The following DOCK4 variants were observed in gnomAD, a reference collection of about 807,000 sequenced individuals.
DOCK4 encodes the protein dedicator of cytokinesis 4, also known as dedicator of cytokinesis protein 4.
Under a neutral mutation model 268.1 loss-of-function variants are expected in DOCK4, and 97 were observed. The ratio of observed to expected loss-of-function variants is 0.36; its 90% CI spans 0.31 to 0.43. DOCK4 has a LOEUF of 0.43. Among genes scored for constraint, DOCK4 ranks in the 20% least tolerant of loss-of-function variants. The probability of loss-of-function intolerance (pLI) is 1.00; values close to 1 mark genes in which losing one functional copy is unlikely to be tolerated. For missense variants in DOCK4, 2,145 were observed against 2,455.7 expected (o/e 0.87, Z 2.67); for synonymous variants, 954 against 887.2 (o/e 1.08, Z -1.34).
At chr7:111,799,911 T>C (rs1028213606) in intron 30 of DOCK4, among the ~76,000 whole-genome samples, 24 of 152,296 alleles carry the variant, frequency 1.6e-4, no homozygotes, top group African/African-American at 5.8e-4. Context: ...CCACTACTAA[T>C]TGCAATAAAA....
intron 40 of DOCK4, 35 bp downstream of exon 40, chr7:111,760,146 A>G (rs1382848747): frequency 3.1e-6 from 5 of 1,607,638 alleles, no homozygotes; most frequent in Admixed American, 3.3e-5. Flanking sequence ...AGCCAGTGCA[A>G]TCTCACTGAG....
At chr7:111,856,199 A>G (rs1804997717) in intron 23 of DOCK4, among the ~76,000 whole-genome samples, 1 of 152,216 alleles carries the variant, frequency 6.6e-6, no homozygotes. Flanking sequence ...CCCTTTCCCC[A>G]GTAATGTGCT....
chr7:111,866,131 T>A (rs1323647274), intron 22 of DOCK4, among the ~76,000 whole-genome samples: 1 of 152,328 alleles, frequency 6.6e-6, no homozygotes, highest in African/African-American at 2.4e-5. Flanking sequence ...GGTCATTTGT[T>A]ACACAGCAAT....
intron 1 of DOCK4, among the ~76,000 whole-genome samples, chr7:112,117,806 A>G (rs925958579): frequency 6.6e-6 from 1 of 152,226 alleles, no homozygotes; most frequent in Non-Finnish European, 1.5e-5. Context: ...GTGTTATGGC[A>G]GAACTGACTT....
Position 112,012,461 on chromosome 7 carries a change from T to G in DOCK4, c.38-8330A>C, listed in dbSNP as rs531073049. Among the ~76,000 whole-genome samples, 10 of 152,296 alleles carry G rather than the reference T, an allele frequency of 6.6e-5. No homozygotes were observed. The South Asian group carries it at 2.1e-3, about 32-fold the overall frequency. On this transcript the variant is annotated intron_variant, in intron 1 of 52. Coordinates refer to ENST00000428084, the MANE Select transcript of DOCK4 (RefSeq NM_001363540.2). ...GGGAGGCAGATGCAACTTTTACCAT[T>G]CATTCTGCACAACAGTATTATTTGT...
intron 8 of DOCK4, among the ~76,000 whole-genome samples, chr7:111,975,440 C>A (rs550136006): frequency 4.6e-5 from 7 of 152,126 alleles, no homozygotes; most frequent in African/African-American, 1.7e-4. Flanking sequence ...AGACACACTC[C>A]GACATATAAA....
chr7:112,118,601 C>T (rs1032827796), intron 1 of DOCK4, among the ~76,000 whole-genome samples: 3 of 152,116 alleles, frequency 2.0e-5, no homozygotes, highest in Non-Finnish European at 2.9e-5. Context: ...GCCACTGGGA[C>T]TTCTCTCCAT....
intron 42 of DOCK4, among the ~76,000 whole-genome samples, chr7:111,750,881 C>T (rs1796591997): frequency 6.6e-6 from 1 of 152,168 alleles, no homozygotes; most frequent in Non-Finnish European, 1.5e-5. Context: ...CCATGAGTTA[C>T]TAATGATCCA....
chr7:111,847,473 TG>T (rs1804202808), intron 23 of DOCK4, among the ~76,000 whole-genome samples: 1 of 149,998 alleles, frequency 6.7e-6, no homozygotes, highest in African/African-American at 2.5e-5. Context: ...AGGACTTGGT[TG>T]TTTTTTTTTT....
chr7:111,832,651 C>T (rs141319063), intron 26 of DOCK4, among the ~76,000 whole-genome samples: 2,148 of 152,234 alleles, frequency 0.014, 53 homozygotes, highest in African/African-American at 0.049. Flanking sequence ...CCTCAGCCTC[C>T]CAAATAGCTG....
At chr7:112,174,379 G>A (rs17159328) in intron 1 of DOCK4, among the ~76,000 whole-genome samples, 15,281 of 151,990 alleles carry the variant, frequency 0.1, 948 homozygotes, top group South Asian at 0.14. Context: ...CTTAATTCAA[G>A]GGTAAGCTGC....
At chr7:111,915,227 C>A (rs1269755519) in intron 13 of DOCK4, among the ~76,000 whole-genome samples, 2 of 152,148 alleles carry the variant, frequency 1.3e-5, no homozygotes, top group Non-Finnish European at 2.9e-5. Context: ...ACTGCTTAAC[C>A]CACATCTTTT....
chr7:112,086,699 A>G (rs894486892), intron 1 of DOCK4, among the ~76,000 whole-genome samples: 5 of 152,044 alleles, frequency 3.3e-5, no homozygotes, highest in African/African-American at 1.2e-4. Context: ...TGTCAATAAA[A>G]CCCAACTCTG....
At chr7:111,733,301 C>T (rs1488511587) in intron 51 of DOCK4, among the ~76,000 whole-genome samples, 1 of 152,168 alleles carries the variant, frequency 6.6e-6, no homozygotes, top group Non-Finnish European at 1.5e-5. Flanking sequence ...GGATGGCAGC[C>T]CTGCCAGTTA....
At chr7:111,959,582 A>T (rs1259145814) in intron 8 of DOCK4, among the ~76,000 whole-genome samples, 1 of 152,250 alleles carries the variant, frequency 6.6e-6, no homozygotes, top group Non-Finnish European at 1.5e-5. Context: ...ACTAGCATAC[A>T]TACACAAAAA....
chr7:111,978,135 G>T (rs576039068), intron 7 of DOCK4, among the ~76,000 whole-genome samples: 1 of 152,316 alleles, frequency 6.6e-6, no homozygotes, highest in South Asian at 2.1e-4. Context: ...CACCTTCACA[G>T]AGCATCTATC....
chr7:112,066,741 A>ATC (rs1807097986), intron 1 of DOCK4, among the ~76,000 whole-genome samples: 5 of 90,246 alleles, frequency 5.5e-5, no homozygotes, highest in East Asian at 2.9e-4. Context: ...ATATATATAT[A>ATC]TCTCCTATTG....
At chr7:111,831,418 A>T (rs1802800928) in intron 26 of DOCK4, among the ~76,000 whole-genome samples, 1 of 152,060 alleles carries the variant, frequency 6.6e-6, no homozygotes, top group Non-Finnish European at 1.5e-5. Flanking sequence ...TTACTACCTA[A>T]AATCTTTTAC....
At chr7:111,908,115 C>T (rs1791747688) in intron 13 of DOCK4, among the ~76,000 whole-genome samples, 1 of 152,080 alleles carries the variant, frequency 6.6e-6, no homozygotes, top group African/African-American at 2.4e-5. Context: ...GTTTCAATTC[C>T]ATCTGTTGAT....
Sources: gnomAD v4.1 joint callset for allele counts (sites outside exome capture counted in the v4.1 genomes callset) on GRCh38, gnomAD v4.1.1 for gene constraint, MANE v1.5 for transcripts, NCBI Gene and HGNC (gene_info 2026-07-23, HGNC 2026-07-21) for gene names.